The following DMD variants were observed in gnomAD, a reference collection of about 807,000 sequenced individuals.
DMD encodes dystrophin.
DMD carries 63 observed loss-of-function variants against 330.1 expected under a neutral mutation model. The ratio of observed to expected loss-of-function variants is 0.19; its 90% CI spans 0.16 to 0.24. The LOEUF (loss-of-function observed/expected upper bound fraction) is 0.24. DMD is among the 10% of genes least tolerant of loss of function. DMD has a pLI of 1.00. For missense variants in DMD, 3,344 were observed against 2,684.1 expected, an observed-to-expected ratio of 1.25 and a Z score of -5.43; for synonymous variants, 1,223 against 959.8, an observed-to-expected ratio of 1.27 and a Z score of -5.07.
At chrX:31,296,745 G>C (rs1405580652) in intron 62 of DMD, among the ~76,000 whole-genome samples, 1 of 111,775 alleles carries the variant, frequency 8.9e-6, no homozygotes, top group Non-Finnish European at 1.9e-5. Context: ...CTGATGCCAA[G>C]TCATAAATGC....
At chrX:31,428,343 G>C (rs1458929415) in intron 60 of DMD, among the ~76,000 whole-genome samples, 1 of 111,064 alleles carries the variant, frequency 9.0e-6, no homozygotes, top group Admixed American at 9.5e-5. Context: ...CATGTGACAC[G>C]CTGGTTCTCC....
chrX:31,278,406 G>A (rs2052353666), intron 62 of DMD, among the ~76,000 whole-genome samples: 1 of 111,188 alleles, frequency 9.0e-6, no homozygotes, highest in Non-Finnish European at 1.9e-5. Context: ...GAGCAAGTTG[G>A]GGAGGCGTTC....
chrX:31,321,861 T>A (rs887398011), intron 62 of DMD, among the ~76,000 whole-genome samples: 9 of 111,219 alleles, frequency 8.1e-5, no homozygotes, highest in Admixed American at 6.7e-4. Context: ...AATTACAGCT[T>A]TTCTGGAATT....
intron 18 of DMD, among the ~76,000 whole-genome samples, chrX:32,510,353 A>G (rs1159712666): frequency 1.8e-5 from 2 of 111,772 alleles, no homozygotes; most frequent in African/African-American, 3.3e-5. Flanking sequence ...CCCCCATCAA[A>G]TGCCACTTTT....
At chrX:31,790,047 T>A (rs901887018) in intron 50 of DMD, among the ~76,000 whole-genome samples, 1 of 112,203 alleles carries the variant, frequency 8.9e-6, no homozygotes. Context: ...CCTACTTTTG[T>A]ACTAATTCAA....
At chrX:31,191,193 G>A (rs1253272472) in intron 67 of DMD, among the ~76,000 whole-genome samples, 2 of 66,342 alleles carry the variant, frequency 3.0e-5, no homozygotes, top group Non-Finnish European at 6.0e-5. Flanking sequence ...CAATGTGTAT[G>A]TGTGTGTGTG....
intron 30 of DMD, among the ~76,000 whole-genome samples, chrX:32,402,641 C>T (rs2098092633): frequency 9.0e-6 from 1 of 111,507 alleles, no homozygotes; most frequent in African/African-American, 3.2e-5. Flanking sequence ...TCCTTAAAAA[C>T]TAGGTAATAC....
chrX:31,500,269 G>A lies in DMD; in HGVS notation c.8391-3325C>T, dbSNP rs2070308286. Among the ~76,000 whole-genome samples, 5 of 112,303 alleles carry A rather than the reference G, an allele frequency of 4.5e-5. No individual in the cohort carries two copies. In the Admixed American group the frequency reaches 4.7e-4, roughly 11 times the overall value. Reference sequence around the variant, plus strand: ...GAGTAGCTTGTTTAAAATTGAGATTGCTAGGTGCCACCTCCAGACTTTCTA... The same window carrying A: ...GAGTAGCTTGTTTAAAATTGAGATTACTAGGTGCCACCTCCAGACTTTCTA... On this transcript the variant is annotated intron_variant, in intron 56 of 78. Coordinates refer to ENST00000357033, the MANE Select transcript of DMD (RefSeq NM_004006.3).
chrX:33,268,601 C>T (rs1468949267), intron 1 of DMD, among the ~76,000 whole-genome samples: 1 of 111,371 alleles, frequency 9.0e-6, no homozygotes, highest in Non-Finnish European at 1.9e-5. Flanking sequence ...AATGAGATAC[C>T]ATCTCACACC....
chrX:32,321,163 A>T (rs986802746), intron 41 of DMD, among the ~76,000 whole-genome samples: 3 of 111,877 alleles, frequency 2.7e-5, no homozygotes, highest in South Asian at 3.7e-4. Context: ...GTCTGTGCAA[A>T]TACAGACACA....
intron 44 of DMD, among the ~76,000 whole-genome samples, chrX:32,144,596 A>C (rs1371813962): frequency 8.9e-6 from 1 of 112,145 alleles, no homozygotes; most frequent in Non-Finnish European, 1.9e-5. Context: ...AGGAAGACCA[A>C]AAAGAGTACA....
intron 44 of DMD, among the ~76,000 whole-genome samples, chrX:32,125,820 TG>T (rs1388309295): frequency 8.0e-5 from 9 of 111,971 alleles, no homozygotes; most frequent in Non-Finnish European, 1.1e-4. Context: ...AAAGTCAAGC[TG>T]GGGCAAGAAC....
intron 45 of DMD, among the ~76,000 whole-genome samples, chrX:31,956,361 G>A (rs756193552): frequency 2.7e-5 from 3 of 111,960 alleles, no homozygotes; most frequent in Admixed American, 9.5e-5. Context: ...AATTGATACA[G>A]TGAAAGCTAC....
intron 60 of DMD, among the ~76,000 whole-genome samples, chrX:31,383,409 C>G (rs1921966): frequency 8.9e-6 from 1 of 112,025 alleles, no homozygotes. Context: ...ATATGAAGTA[C>G]GTAGATAATG....
rs370165058 is a variant in DMD at position 33,080,125 on chromosome X, A to C, written c.32-59925T>G. Among the ~76,000 whole-genome samples, 24 of 112,380 alleles carry C rather than the reference A, an allele frequency of 2.1e-4. 2 individuals carry two copies. The highest frequency in any genetic ancestry group is 1.6e-3 in the Admixed American group (17 of 10,600). Reference sequence around the variant, plus strand: ...CATAAACTTTTTAGAACGCTTTATAATTTTCCATTAAACAGCAGATCAATT... The same window carrying C: ...CATAAACTTTTTAGAACGCTTTATACTTTTCCATTAAACAGCAGATCAATT... On this transcript the variant is annotated intron_variant, in intron 1 of 78. Coordinates refer to ENST00000357033, the MANE Select transcript of DMD (RefSeq NM_004006.3).
rs147547483 is a variant in DMD at position 31,924,340 on chromosome X, A to G, written c.6912+5256T>C. On this transcript the variant is annotated intron_variant, in intron 47 of 78. Transcript: ENST00000357033. Reference sequence around the variant, plus strand: ...TCTCCTTTTTGCTATTCACATTTATACTGACGACTAATAATGACTGTCATT... The same window carrying G: ...TCTCCTTTTTGCTATTCACATTTATGCTGACGACTAATAATGACTGTCATT... Among the ~76,000 whole-genome samples the G allele has an allele frequency of 6.2e-4, 70 of 112,235 alleles. 1 individual carries two copies. The highest frequency in any genetic ancestry group is 5.8e-3 in the Admixed American group (61 of 10,582).
Position 31,410,346 on chromosome X carries a change from A to C in DMD, c.9084+34135T>G, listed in dbSNP as rs12011587. Among the ~76,000 whole-genome samples, 578 of 112,004 alleles carry C rather than the reference A, an allele frequency of 5.2e-3. 2 individuals are homozygous for C. The highest frequency in any genetic ancestry group is 0.018 in the African/African-American group (547 of 30,846). On this transcript the variant is annotated intron_variant, in intron 60 of 78. Transcript: ENST00000357033. ...GTTACTGAGAAACAGAGTTTGCTGC[A>C]TCGTGCTTCTAGTGAGAAATAGTTG...
intron 12 of DMD, among the ~76,000 whole-genome samples, chrX:32,612,635 G>C (rs2149342794): frequency 9.0e-6 from 1 of 111,201 alleles, no homozygotes; most frequent in Admixed American, 9.6e-5. Context: ...GTCAACGAGA[G>C]AAGCAAATGT....
chrX:31,306,919 T>C (rs1160429946), intron 62 of DMD, among the ~76,000 whole-genome samples: 1 of 111,536 alleles, frequency 9.0e-6, no homozygotes, highest in African/African-American at 3.3e-5. Context: ...TTATTCAGTC[T>C]TTTTAATTTA....
Sources: gnomAD v4.1 joint callset for allele counts (sites outside exome capture counted in the v4.1 genomes callset) on GRCh38, gnomAD v4.1.1 for gene constraint, MANE v1.5 for transcripts, NCBI Gene and HGNC (gene_info 2026-07-23, HGNC 2026-07-21) for gene names.